The following ZNF83 variants were observed in gnomAD, a reference collection of about 807,000 sequenced individuals.
The protein encoded by ZNF83 is zinc finger protein 816B.
For missense variants in ZNF83, 552 were observed against 629.9 expected (o/e 0.88, Z 1.32); for synonymous variants, 209 against 213.0 (o/e 0.98, Z 0.17).
chr19:52,627,575 C>A (rs62118488), intron 2 of ZNF83, among the ~76,000 whole-genome samples: 1 of 152,068 alleles, frequency 6.6e-6, no homozygotes. Context: ...ATCCCTTGAA[C>A]CTGGGAGGCA....
chr19:52,626,825 A>C lies in ZNF83; in HGVS notation c.-234+8241T>G, dbSNP rs1044778368. Among the ~76,000 whole-genome samples the C allele has an allele frequency of 9.2e-5, 14 of 152,134 alleles. No individual in the cohort carries two copies. The East Asian group carries it at 1.5e-3, about 17-fold the overall frequency. ...TCCATTATCTCTCCATACCACCCCC[A>C]AAAATTTTTGCCACCCCAACACTTC... On this transcript the variant is annotated intron_variant, in intron 2 of 2. Coordinates refer to ENST00000301096, the Ensembl canonical transcript of ZNF83.
intron 3 of ZNF83, among the ~76,000 whole-genome samples, chr19:52,650,007 A>T (rs1437642268): frequency 6.6e-6 from 1 of 152,158 alleles, no homozygotes; most frequent in Non-Finnish European, 1.5e-5. Flanking sequence ...ACAGGTAAAA[A>T]GGGAAAGCAA....
upstream of ZNF83, chr19:52,690,492 A>T (rs2062136897): frequency 5.4e-6 from 1 of 186,732 alleles, no homozygotes; most frequent in East Asian, 1.7e-4. Flanking sequence ...GATTTGCGAG[A>T]ATCTGCGCGC....
upstream of ZNF83, among the ~76,000 whole-genome samples, chr19:52,638,558 C>T (rs538272517): frequency 1.3e-5 from 2 of 152,354 alleles, no homozygotes; most frequent in South Asian, 4.1e-4. Flanking sequence ...GGAGGCGAGA[C>T]CGGCCAGGAA....
At chr19:52,646,251 A>C (rs928835275) in intron 3 of ZNF83, among the ~76,000 whole-genome samples, 1 of 152,084 alleles carries the variant, frequency 6.6e-6, no homozygotes, top group Non-Finnish European at 1.5e-5. Flanking sequence ...TTCCTTTAAA[A>C]AATTATATGT....
chr19:52,688,950 GAAA>G (rs56247444), intron 1 of ZNF83, among the ~76,000 whole-genome samples: 18,935 of 126,806 alleles, frequency 0.15, 1,388 homozygotes, highest in Middle Eastern at 0.2. Flanking sequence ...AAGGTTGAAG[GAAA>G]AAAAAAAAAA....
intron 1 of ZNF83, among the ~76,000 whole-genome samples, chr19:52,678,423 C>G (rs2147339985): frequency 7.6e-6 from 1 of 132,076 alleles, no homozygotes; most frequent in South Asian, 2.4e-4. Flanking sequence ...GCACTCCAGC[C>G]TGGGTGACAG....
chr19:52,685,979 C>T (rs1960123), intron 1 of ZNF83, among the ~76,000 whole-genome samples: 84,547 of 150,374 alleles, frequency 0.56, 23,737 homozygotes, highest in Middle Eastern at 0.61. Context: ...CATCTTTCAA[C>T]ATTTGTCCAA....
chr19:52,614,562 C>A, exon 3 of ZNF83: 1 of 1,581,582 alleles, frequency 6.3e-7, no homozygotes, highest in Non-Finnish European at 8.6e-7. Context: ...TTCTCCCATG[C>A]ATGTCTCTTC....
intron 3 of ZNF83, chr19:52,654,308 G>A: frequency 6.7e-7 from 1 of 1,497,366 alleles, no homozygotes; most frequent in East Asian, 2.3e-5. Context: ...CCAATGTGAT[G>A]ACTTTTATGT....
intron 3 of ZNF83, chr19:52,654,178 G>A: frequency 1.2e-6 from 2 of 1,601,186 alleles, no homozygotes. Flanking sequence ...ACGTCGGTCT[G>A]TACTACCAGT....
chr19:52,632,517 C>T (rs942437474), intron 2 of ZNF83, among the ~76,000 whole-genome samples: 4 of 152,146 alleles, frequency 2.6e-5, no homozygotes, highest in Admixed American at 6.6e-5. Context: ...TCCTATTCAC[C>T]CTTGTCAACT....
At chr19:52,631,801 G>C (rs1038050784) in intron 2 of ZNF83, among the ~76,000 whole-genome samples, 59 of 152,134 alleles carry the variant, frequency 3.9e-4, no homozygotes, top group Non-Finnish European at 5.3e-4. Flanking sequence ...GCAAAGGCAG[G>C]CTATGCTATA....
intron 2 of ZNF83, among the ~76,000 whole-genome samples, chr19:52,633,567 T>C (rs1246192783): frequency 2.6e-5 from 4 of 152,212 alleles, no homozygotes; most frequent in Non-Finnish European, 4.4e-5. Flanking sequence ...AGACGCTTTA[T>C]GGCCAAGGGC....
At chr19:52,680,746 G>A (rs1223767909) in intron 1 of ZNF83, among the ~76,000 whole-genome samples, 2 of 142,358 alleles carry the variant, frequency 1.4e-5, no homozygotes, top group South Asian at 2.2e-4. Context: ...CCGAGTAACT[G>A]GGACTACAGG....
At chr19:52,690,287 A>C (rs2147396837) in intron 1 of ZNF83, among the ~76,000 whole-genome samples, 1 of 152,136 alleles carries the variant, frequency 6.6e-6, no homozygotes, top group East Asian at 1.9e-4. Flanking sequence ...CTTTAGACCC[A>C]AAAGGAAGCG....
intron 2 of ZNF83, among the ~76,000 whole-genome samples, chr19:52,620,729 T>C (rs1184106128): frequency 6.6e-6 from 1 of 152,240 alleles, no homozygotes; most frequent in Non-Finnish European, 1.5e-5. Context: ...CCAGATGGTC[T>C]GAGGCAAGCG....
chr19:52,659,373 G>A (rs2061548265), intron 2 of ZNF83, among the ~76,000 whole-genome samples: 1 of 152,168 alleles, frequency 6.6e-6, no homozygotes, highest in Admixed American at 6.5e-5. Flanking sequence ...GGGAAGTTGA[G>A]TCAAGCTAAG....
chr19:52,689,514 C>A lies in ZNF83; in HGVS notation c.-283+929G>T, dbSNP rs180991936. Among the ~76,000 whole-genome samples, 15 of 152,286 alleles carry A rather than the reference C, an allele frequency of 9.8e-5. No homozygotes were observed. In the East Asian group the frequency reaches 2.9e-3, roughly 29 times the overall value. On this transcript the variant is annotated intron_variant, in intron 1 of 5. Transcript: ENST00000594682. Reference sequence around the variant, plus strand: ...CCTGGCTCCAAATCCCTCCTCCTCTCCCTCACCCTGATGAGCCTCCCTCTT... The same window carrying A: ...CCTGGCTCCAAATCCCTCCTCCTCTACCTCACCCTGATGAGCCTCCCTCTT...
Sources: gnomAD v4.1 joint callset for allele counts (sites outside exome capture counted in the v4.1 genomes callset) on GRCh38, gnomAD v4.1.1 for gene constraint, MANE v1.5 for transcripts, NCBI Gene and HGNC (gene_info 2026-07-23, HGNC 2026-07-21) for gene names.